Variants in SH3GL3 observed in about 807,000 individuals in gnomAD.
SH3GL3 encodes the protein SH3 domain containing GRB2 like 3, endophilin A3, also known as endophilin-A3.
Under a neutral mutation model 47.7 loss-of-function variants are expected in SH3GL3, and 33 were observed. The ratio of observed to expected loss-of-function variants is 0.69; its 90% CI spans 0.52 to 0.92. The LOEUF (loss-of-function observed/expected upper bound fraction) is 0.92. Ranked by LOEUF, SH3GL3 falls within the 40% of genes least tolerant of loss-of-function variation. SH3GL3 has a pLI of 0.00. For synonymous variants in SH3GL3, 155 were observed against 148.8 expected (o/e 1.04, Z -0.30); for missense variants, 363 against 417.8 (o/e 0.87, Z 1.14).
chr15:83,624,329 G>T, the SH3GL3 span, among the ~76,000 whole-genome samples: 1 of 152,192 alleles, frequency 6.6e-6, no homozygotes, highest in South Asian at 2.1e-4. Context: ...ACGGCACCGA[G>T]CAGGGCTAGC....
chr15:83,524,923 C>A (rs1416635576), intron 1 of SH3GL3, among the ~76,000 whole-genome samples: 1 of 152,054 alleles, frequency 6.6e-6, no homozygotes, highest in East Asian at 1.9e-4. Context: ...TTGATGAACA[C>A]ATGATTCTGT....
At chr15:83,531,753 T>C (rs1234935230) in intron 1 of SH3GL3, among the ~76,000 whole-genome samples, 1 of 152,068 alleles carries the variant, frequency 6.6e-6, no homozygotes, top group Non-Finnish European at 1.5e-5. Context: ...ACTGAGGATA[T>C]GTTCATGGGA....
chr15:83,463,445 G>A (rs1259099689), intron 1 of SH3GL3, among the ~76,000 whole-genome samples: 1 of 152,104 alleles, frequency 6.6e-6, no homozygotes, highest in African/African-American at 2.4e-5. Flanking sequence ...TGTATCTGTG[G>A]CTTTACTATA....
In SH3GL3 at chr15:83,591,737, G is replaced by C. The variant is rs1025888150; in HGVS notation, c.838+2966G>C. Among the ~76,000 whole-genome samples the C allele has an allele frequency of 3.3e-5, 5 of 152,076 alleles. No homozygotes were observed. The South Asian group carries it at 8.3e-4, about 25-fold the overall frequency. On this transcript the variant is annotated intron_variant, in intron 8 of 8. Transcript: ENST00000427482. ...GTCTTGCTCTGTCACCCAGGCTGGA[G>C]TGCAGTGGCGCCATCTCGGCTCACT...
chr15:83,558,994 TTGTC>T (rs2045108268), intron 1 of SH3GL3, among the ~76,000 whole-genome samples: 1 of 152,276 alleles, frequency 6.6e-6, no homozygotes, highest in African/African-American at 2.4e-5. Flanking sequence ...AGTATCTCTC[TTGTC>T]TATGTCCTAC....
chr15:83,576,921 A>ATTTTTTTT (rs71156087), intron 6 of SH3GL3, among the ~76,000 whole-genome samples, 180 bp downstream of exon 6: 3 of 86,564 alleles, frequency 3.5e-5, no homozygotes, highest in Non-Finnish European at 2.2e-5. Flanking sequence ...AAAAATCATA[A>ATTTTTTTT]TTTTTTTTTT....
intron 1 of SH3GL3, among the ~76,000 whole-genome samples, chr15:83,459,151 G>T (rs140957369): frequency 1.3e-5 from 2 of 152,354 alleles, no homozygotes; most frequent in Admixed American, 6.5e-5. Flanking sequence ...AAAGATGAAG[G>T]CCAGGAGACT....
chr15:83,519,366 C>G (rs536210940), intron 1 of SH3GL3, among the ~76,000 whole-genome samples: 2 of 152,188 alleles, frequency 1.3e-5, no homozygotes, highest in Admixed American at 6.5e-5. Flanking sequence ...TTGTACTTCT[C>G]CTCGTAGACA....
chr15:83,565,301 C>A, intron 3 of SH3GL3, 95 bp downstream of exon 3: 1 of 774,390 alleles, frequency 1.3e-6, no homozygotes, highest in South Asian at 1.5e-5. Context: ...GAAACAATGT[C>A]GTCTGTGTCC....
intron 1 of SH3GL3, among the ~76,000 whole-genome samples, chr15:83,475,462 G>T (rs980984964): frequency 1.3e-5 from 2 of 152,070 alleles, no homozygotes; most frequent in Admixed American, 1.3e-4. Context: ...CTGGGTGACC[G>T]AGTGAGCTTC....
At chr15:83,632,060 G>A in the SH3GL3 span, among the ~76,000 whole-genome samples, 1 of 152,026 alleles carries the variant, frequency 6.6e-6, no homozygotes, top group Non-Finnish European at 1.5e-5. Flanking sequence ...CTAGGGCAGG[G>A]GTAAAATGCC....
intron 1 of SH3GL3, among the ~76,000 whole-genome samples, chr15:83,550,339 C>T (rs926844798): frequency 6.6e-6 from 1 of 152,182 alleles, no homozygotes; most frequent in African/African-American, 2.4e-5. Context: ...GGAAATGCCA[C>T]ATCTTACATA....
At chr15:83,490,813 C>T (rs1486023340) in intron 1 of SH3GL3, 1 of 1,614,074 alleles carries the variant, frequency 6.2e-7, no homozygotes, top group South Asian at 1.1e-5. Context: ...TGAGGACTCT[C>T]TTAAATCAGA....
At chr15:83,508,495 A>G (rs932770617) in intron 1 of SH3GL3, among the ~76,000 whole-genome samples, 5 of 152,002 alleles carry the variant, frequency 3.3e-5, no homozygotes, top group Non-Finnish European at 5.9e-5. Context: ...AGATGTTTGT[A>G]TGGGGCCTTA....
At chr15:83,619,009 T>C (rs1167597058), downstream of SH3GL3, among the ~76,000 whole-genome samples, 1 of 152,198 alleles carries the variant, frequency 6.6e-6, no homozygotes, top group East Asian at 1.9e-4. Context: ...GGATAGGTTT[T>C]TCAGAAAGTT....
intron 5 of SH3GL3, among the ~76,000 whole-genome samples, chr15:83,575,675 C>G (rs1198989107): frequency 6.6e-6 from 1 of 152,220 alleles, no homozygotes; most frequent in Non-Finnish European, 1.5e-5. Flanking sequence ...TTCTGACTCT[C>G]TGGGTCTTGT....
At chr15:83,489,096 A>G (rs899555504) in intron 1 of SH3GL3, 15 of 152,216 alleles carry the variant, frequency 9.9e-5, no homozygotes, top group African/African-American at 3.6e-4. Context: ...GGTGCCTTGT[A>G]ATAGATAGCC....
intron 1 of SH3GL3, among the ~76,000 whole-genome samples, chr15:83,509,325 G>A (rs1215936411): frequency 1.3e-5 from 2 of 152,220 alleles, no homozygotes; most frequent in Non-Finnish European, 2.9e-5. Flanking sequence ...CTTTGGAGAG[G>A]ACCGGAGGCT....
chr15:83,519,780 G>A (rs1377396686), intron 1 of SH3GL3, among the ~76,000 whole-genome samples: 5 of 152,144 alleles, frequency 3.3e-5, no homozygotes, highest in African/African-American at 1.2e-4. Flanking sequence ...TATATGGTAA[G>A]TATCTATACG....
Sources: gnomAD v4.1 joint callset for allele counts (sites outside exome capture counted in the v4.1 genomes callset) on GRCh38, gnomAD v4.1.1 for gene constraint, MANE v1.5 for transcripts, NCBI Gene and HGNC (gene_info 2026-07-23, HGNC 2026-07-21) for gene names.